FAM241A: variants seen among roughly 807,000 people sequenced by gnomAD.
FAM241A encodes uncharacterized protein FAM241A.
Under a neutral mutation model 12.2 loss-of-function variants are expected in FAM241A, and 7 were observed. The ratio of observed to expected loss-of-function variants is 0.58; its 90% CI spans 0.33 to 1.08. FAM241A has a LOEUF of 1.08. Among genes scored for constraint, FAM241A ranks in the 50% least tolerant of loss-of-function variants. The pLI is 0.04. For missense variants in FAM241A, 161 were observed against 169.7 expected (o/e 0.95, Z 0.29); for synonymous variants, 74 against 68.2 (o/e 1.08, Z -0.42).
chr4:112,179,914 GATATAT>G lies in FAM241A; in HGVS notation c.154-6760_154-6755del, dbSNP rs34513702. On this transcript the variant is annotated intron_variant, in intron 1 of 1. Coordinates refer to ENST00000309733, the MANE Select transcript of FAM241A (RefSeq NM_152400.3). The stretch of plus-strand genomic sequence containing the variant: ...ATGGTGGATTGCATAAAGAAAATGT[GATATAT>G]ATATATATATATATATATGTATATG... Among the ~76,000 whole-genome samples, 19 of 117,768 alleles carry G rather than the reference GATATAT, an allele frequency of 1.6e-4. No individual in the cohort carries two copies. In the East Asian group the frequency reaches 1.9e-3, roughly 12 times the overall value. 77.3% of individuals were successfully genotyped at this position (117,768 alleles called of 152,430 possible).
intron 1 of FAM241A, among the ~76,000 whole-genome samples, chr4:112,184,531 A>G (rs1404717990): frequency 6.6e-6 from 1 of 152,226 alleles, no homozygotes; most frequent in Non-Finnish European, 1.5e-5. Flanking sequence ...TGTCTCAAAA[A>G]AAAAAATTAT....
Position 112,186,674 on chromosome 4 carries a change from T to C in FAM241A, c.154-19T>C, listed in dbSNP as rs80269620. On this transcript the variant is annotated intron_variant, in intron 1 of 1. Coordinates refer to ENST00000309733, the MANE Select transcript of FAM241A (RefSeq NM_152400.3). ...TCTCATGTTATGTTCATGTTTTGTC[T>C]TTTTTTTTTTTTTTAAAGGATGTTG... is the stretch of plus-strand genomic sequence containing the variant. 1.6e-5 allele frequency: 3 copies of C among 184,648 alleles called. No individual in the cohort carries two copies. Among genetic ancestry groups the C allele is most frequent in the Non-Finnish European group, 3.0e-5 (3 of 99,842 alleles). The allele number at this position is 184,648 out of a possible 1,614,324, so 11.4% of individuals were successfully genotyped here. A position where few individuals can be genotyped will look rare whatever the true frequency, so the allele number is the denominator to read the frequency against.
chr4:112,162,416 G>A (rs938983372), intron 1 of FAM241A, among the ~76,000 whole-genome samples: 27 of 152,138 alleles, frequency 1.8e-4, no homozygotes, highest in Admixed American at 5.9e-4. Flanking sequence ...AAACTCCATC[G>A]TCTCAGTCCA....
At position 112,145,489 on chromosome 4, in the gene FAM241A, A is replaced by G. The variant is rs1723113125; in HGVS notation, c.-92A>G. On this transcript the variant is annotated 5_prime_UTR_variant, in exon 1 of 2. Transcript: ENST00000309733. ...CTCCTGTCAGCGGCGGGTGCGGCGG[A>G]TCCCAGGGCAGCCTTCGGGCGGCGG... 2 of 1,155,434 alleles carry G rather than the reference A, an allele frequency of 1.7e-6. No homozygotes were observed. Among genetic ancestry groups the G allele is most frequent in the African/African-American group, 1.6e-5 (1 of 61,822 alleles). The allele number at this position is 1,155,434 out of a possible 1,614,324, so 71.6% of individuals were successfully genotyped here.
intron 1 of FAM241A, among the ~76,000 whole-genome samples, chr4:112,151,092 T>G (rs190141732): frequency 6.6e-6 from 1 of 152,280 alleles, no homozygotes; most frequent in African/African-American, 2.4e-5. Flanking sequence ...TGATCTACAG[T>G]GTTGGAGGTG....
chr4:112,169,145 G>A (rs1388748081), intron 1 of FAM241A, among the ~76,000 whole-genome samples: 3 of 152,200 alleles, frequency 2.0e-5, no homozygotes, highest in South Asian at 2.1e-4. Context: ...AATCATGAAT[G>A]TTGATAATTC....
chr4:112,150,731 G>A (rs1305114685), intron 1 of FAM241A, among the ~76,000 whole-genome samples: 1 of 152,202 alleles, frequency 6.6e-6, no homozygotes, highest in African/African-American at 2.4e-5. Context: ...GGTTACCTGG[G>A]TTTGCCTTTT....
chr4:112,175,683 G>A (rs1412548223), intron 1 of FAM241A, among the ~76,000 whole-genome samples: 21 of 151,996 alleles, frequency 1.4e-4, no homozygotes, highest in South Asian at 2.1e-4. Context: ...CAGGAGAATC[G>A]CTTGAACCCG....
chr4:112,155,814 A>G (rs1723342383), intron 1 of FAM241A, among the ~76,000 whole-genome samples: 1 of 152,208 alleles, frequency 6.6e-6, no homozygotes, highest in Non-Finnish European at 1.5e-5. Flanking sequence ...GCTATATGAG[A>G]TATAGTGTAT....
rs544080102 is a variant in FAM241A at position 112,187,193 on chromosome 4, C to A, written c.*255C>A. 1.6e-5 allele frequency: 6 copies of A among 370,732 alleles called. No homozygotes were observed. The highest frequency in any genetic ancestry group is 2.9e-5 in the Non-Finnish European group (6 of 207,404). The allele number at this position is 370,732 out of a possible 1,614,324, so 23.0% of individuals were successfully genotyped here. A position where few individuals can be genotyped will look rare whatever the true frequency, so the allele number is the denominator to read the frequency against. Reference sequence around the variant, plus strand: ...TACTGTGATCTCTGTCTCCTTTATACACCTCTATCCCCATGCCAAATCTTA... The same window carrying A: ...TACTGTGATCTCTGTCTCCTTTATAAACCTCTATCCCCATGCCAAATCTTA... On this transcript the variant is annotated 3_prime_UTR_variant, in exon 2 of 2. Coordinates refer to ENST00000309733, the MANE Select transcript of FAM241A (RefSeq NM_152400.3).
At position 112,179,712 on chromosome 4, in the gene FAM241A, T is replaced by A. The variant is rs182426689; in HGVS notation, c.154-6981T>A. 5.5e-3 allele frequency among the ~76,000 whole-genome samples: 768 copies of A among 138,956 alleles called. 6 individuals are homozygous for A. Among genetic ancestry groups the A allele is most frequent in the African/African-American group, 0.017 (640 of 37,078 alleles). 91.2% of individuals were successfully genotyped at this position (138,956 alleles called of 152,430 possible). Reference sequence around the variant, plus strand: ...CCCTAGAACTTAAAGTATAATAAAATATATATATATATTAAAAAAAAGAAC... The same window carrying A: ...CCCTAGAACTTAAAGTATAATAAAAAATATATATATATTAAAAAAAAGAAC... On this transcript the variant is annotated intron_variant, in intron 1 of 1. Coordinates refer to ENST00000309733, the MANE Select transcript of FAM241A (RefSeq NM_152400.3).
At chr4:112,166,298 C>T (rs1296422345) in intron 1 of FAM241A, among the ~76,000 whole-genome samples, 1 of 151,890 alleles carries the variant, frequency 6.6e-6, no homozygotes. Context: ...TCTCGATCTC[C>T]TGACCTCGTG....
intron 1 of FAM241A, among the ~76,000 whole-genome samples, 167 bp from the exon 2 acceptor site, chr4:112,186,526 G>T (rs562129198): frequency 1.3e-5 from 2 of 152,294 alleles, no homozygotes; most frequent in Admixed American, 1.3e-4. Flanking sequence ...TCATTTTTGT[G>T]CAATTCCAGG....
chr4:112,158,596 G>A (rs1057330069), intron 1 of FAM241A, among the ~76,000 whole-genome samples: 1 of 151,838 alleles, frequency 6.6e-6, no homozygotes, highest in Non-Finnish European at 1.5e-5. Context: ...GTCTATCAGC[G>A]AACAAGTAAA....
At chr4:112,166,421 C>T (rs960192498) in intron 1 of FAM241A, among the ~76,000 whole-genome samples, 5 of 152,076 alleles carry the variant, frequency 3.3e-5, no homozygotes, top group Non-Finnish European at 7.4e-5. Context: ...TTTGTTTATT[C>T]TACTTCCCTT....
chr4:112,154,895 A>G (rs1723321728), intron 1 of FAM241A, among the ~76,000 whole-genome samples: 1 of 152,018 alleles, frequency 6.6e-6, no homozygotes, highest in Non-Finnish European at 1.5e-5. Flanking sequence ...TCAGCCGGGT[A>G]TGGTGGGGAA....
At chr4:112,154,486 A>G (rs1298481339) in intron 1 of FAM241A, among the ~76,000 whole-genome samples, 1 of 151,896 alleles carries the variant, frequency 6.6e-6, no homozygotes, top group African/African-American at 2.4e-5. Flanking sequence ...CAGGCTGGTT[A>G]TGAACTTCTG....
At chr4:112,175,133 CCTA>C (rs1235101785) in intron 1 of FAM241A, among the ~76,000 whole-genome samples, 3 of 152,132 alleles carry the variant, frequency 2.0e-5, no homozygotes, top group African/African-American at 7.2e-5. Context: ...AAATCCAACT[CCTA>C]CTAGATTTTG....
rs1461783020 is a variant in FAM241A at position 112,166,085 on chromosome 4, C to T, written c.153+20352C>T. 3.4e-5 allele frequency among the ~76,000 whole-genome samples: 5 copies of T among 145,882 alleles called. No individual in the cohort carries two copies. The Admixed American group carries it at 3.5e-4, about 10-fold the overall frequency. Reference sequence around the variant, plus strand: ...TTTTTGAGACAGAGTCTCGCTCTGTCGCCCAGGCTGGAGTGCAGTGGTGTG... The same window carrying T: ...TTTTTGAGACAGAGTCTCGCTCTGTTGCCCAGGCTGGAGTGCAGTGGTGTG... On this transcript the variant is annotated intron_variant, in intron 1 of 1. Transcript: ENST00000309733.
Sources: allele counts gnomAD v4.1 joint callset (sites outside exome capture counted in the v4.1 genomes callset), GRCh38; gene constraint gnomAD v4.1.1; transcripts MANE v1.5; gene names NCBI Gene and HGNC (gene_info 2026-07-23, HGNC 2026-07-21).